NRG3: variants seen among roughly 807,000 people sequenced by gnomAD.
NRG3 encodes pro-neuregulin-3, membrane-bound isoform.
A neutral mutation model predicts 66.9 loss-of-function variants in NRG3; 31 were observed. The ratio of observed to expected loss-of-function variants is 0.46; its 90% CI spans 0.35 to 0.63. The LOEUF (loss-of-function observed/expected upper bound fraction) is 0.63, where lower values mean the gene tolerates loss of function less well. NRG3 is among the 20% of genes least tolerant of loss of function. The pLI is 0.00. For synonymous variants in NRG3, 393 were observed against 359.4 expected (o/e 1.09, Z -1.06); for missense variants, 910 against 878.9 (o/e 1.04, Z -0.45).
intron 4 of NRG3, among the ~76,000 whole-genome samples, chr10:82,896,875 G>A (rs1373791948): frequency 6.6e-6 from 1 of 152,182 alleles, no homozygotes; most frequent in Non-Finnish European, 1.5e-5. Context: ...AAGAAACTTA[G>A]AGTCTTTATT....
chr10:82,506,196 C>T (rs1397504864), intron 2 of NRG3, among the ~76,000 whole-genome samples: 2 of 152,128 alleles, frequency 1.3e-5, no homozygotes, highest in Admixed American at 6.5e-5. Context: ...TGCAGTGAGT[C>T]GAGATTGCGC....
chr10:82,388,016 C>G (rs1377680161), intron 2 of NRG3, among the ~76,000 whole-genome samples: 2 of 152,150 alleles, frequency 1.3e-5, no homozygotes, highest in African/African-American at 2.4e-5. Flanking sequence ...GAAGGGCAAT[C>G]TGTTTCTAAA....
intron 3 of NRG3, among the ~76,000 whole-genome samples, chr10:82,755,532 G>A (rs1307532821): frequency 1.3e-5 from 2 of 152,042 alleles, no homozygotes; most frequent in African/African-American, 4.8e-5. Flanking sequence ...TTAGGCCATA[G>A]CTTCACTTCA....
intron 1 of NRG3, among the ~76,000 whole-genome samples, chr10:82,144,285 C>A (rs980613419): frequency 1.7e-4 from 26 of 152,094 alleles, no homozygotes; most frequent in African/African-American, 6.0e-4. Context: ...CATGTTTCTC[C>A]CTGGGACCAC....
intron 1 of NRG3, among the ~76,000 whole-genome samples, chr10:82,167,208 C>T (rs2072151879): frequency 6.6e-6 from 1 of 151,890 alleles, no homozygotes. Flanking sequence ...CAATGTCAGA[C>T]ATTGCAAATT....
intron 2 of NRG3, among the ~76,000 whole-genome samples, chr10:82,537,046 G>A (rs930526042): frequency 1.3e-5 from 2 of 151,968 alleles, no homozygotes; most frequent in Non-Finnish European, 2.9e-5. Flanking sequence ...CTGATTGACA[G>A]CATGACACTG....
At chr10:82,251,729 C>T (rs1026769128) in intron 1 of NRG3, among the ~76,000 whole-genome samples, 20 of 152,142 alleles carry the variant, frequency 1.3e-4, no homozygotes, top group African/African-American at 4.3e-4. Context: ...TAGGGATCTT[C>T]GTTAAAAAGC....
intron 2 of NRG3, among the ~76,000 whole-genome samples, chr10:82,665,790 C>T (rs1473252047): frequency 6.6e-6 from 1 of 152,126 alleles, no homozygotes; most frequent in African/African-American, 2.4e-5. Flanking sequence ...ACCCATTGAA[C>T]CCACCCTCTC....
chr10:82,028,351 T>C (rs1396869691), intron 1 of NRG3, among the ~76,000 whole-genome samples: 1 of 152,104 alleles, frequency 6.6e-6, no homozygotes, highest in African/African-American at 2.4e-5. Flanking sequence ...AATGCATTCC[T>C]AACTTATATA....
chr10:82,019,108 C>CTTTA (rs2061932216), intron 1 of NRG3, among the ~76,000 whole-genome samples: 2 of 152,172 alleles, frequency 1.3e-5, no homozygotes, highest in East Asian at 1.9e-4. Context: ...GAGATATGTC[C>CTTTA]CATCAATACC....
At position 82,132,486 on chromosome 10, in the gene NRG3, A is replaced by ATATCATATATATATATCATATATC. The variant is rs2068928993; in HGVS notation, c.824-226250_824-226249insCATATATATATATCATATATCTAT. ...TATATATGATATATATATGATATAT[A>ATATCATATATATATATCATATATC]TATATGATATATATATATCATATAT... On this transcript the variant is annotated intron_variant, in intron 1 of 8. Transcript: ENST00000372141. 2.1e-5 allele frequency among the ~76,000 whole-genome samples: 2 copies of ATATCATATATATATATCATATATC among 97,048 alleles called. 1 individual carries two copies. The highest frequency in any genetic ancestry group is 3.6e-5 in the Non-Finnish European group (2 of 56,006). The allele number at this position is 97,048 out of a possible 152,430, so 63.7% of individuals were successfully genotyped here.
intron 4 of NRG3, among the ~76,000 whole-genome samples, chr10:82,924,802 A>G (rs1591978343): frequency 6.6e-6 from 1 of 152,214 alleles, no homozygotes; most frequent in East Asian, 1.9e-4. Flanking sequence ...GATATCATGG[A>G]CACCCCAGCT....
chr10:82,478,626 A>G (rs1335079644), intron 2 of NRG3, among the ~76,000 whole-genome samples: 1 of 25,536 alleles, frequency 3.9e-5, no homozygotes, highest in Non-Finnish European at 1.7e-4. Flanking sequence ...AGTGCAGAAC[A>G]AAATGAAAAG....
At chr10:82,001,506 A>T (rs1359622056) in intron 1 of NRG3, among the ~76,000 whole-genome samples, 3 of 151,994 alleles carry the variant, frequency 2.0e-5, no homozygotes, top group African/African-American at 7.3e-5. Flanking sequence ...CCATCTGAGG[A>T]AAAAAAAGAA....
At chr10:82,765,424 A>T (rs914933430) in intron 3 of NRG3, among the ~76,000 whole-genome samples, 5 of 152,156 alleles carry the variant, frequency 3.3e-5, no homozygotes, top group African/African-American at 1.2e-4. Context: ...ATTATTATAG[A>T]AATGATTATA....
intron 3 of NRG3, among the ~76,000 whole-genome samples, chr10:82,751,841 T>A (rs2058877451): frequency 6.6e-6 from 1 of 152,172 alleles, no homozygotes; most frequent in Non-Finnish European, 1.5e-5. Context: ...ATTGCTATAG[T>A]TCCAAATACA....
intron 1 of NRG3, among the ~76,000 whole-genome samples, chr10:82,285,851 C>T (rs1385863398): frequency 1.3e-5 from 2 of 152,206 alleles, no homozygotes; most frequent in Non-Finnish European, 1.5e-5. Flanking sequence ...GCTGCCCTAC[C>T]TCAGAATAGA....
intron 1 of NRG3, among the ~76,000 whole-genome samples, chr10:82,213,024 C>G (rs1334538553): frequency 6.6e-6 from 1 of 152,030 alleles, no homozygotes; most frequent in East Asian, 1.9e-4. Context: ...TTCCCAGGAA[C>G]AAGAAAGTTT....
At chr10:81,980,337 C>T (rs1259842154) in intron 1 of NRG3, among the ~76,000 whole-genome samples, 3 of 152,060 alleles carry the variant, frequency 2.0e-5, no homozygotes, top group African/African-American at 7.2e-5. Context: ...AAACAGTCGT[C>T]TTGTCAGTTA....
Sources: gnomAD v4.1 joint callset for allele counts (sites outside exome capture counted in the v4.1 genomes callset) on GRCh38, gnomAD v4.1.1 for gene constraint, MANE v1.5 for transcripts, NCBI Gene and HGNC (gene_info 2026-07-23, HGNC 2026-07-21) for gene names.